Variants in GAREM2 observed in about 807,000 individuals in gnomAD.
GAREM2 encodes GRB2 associated regulator of MAPK1 subtype 2, also known as GRB2-associated and regulator of MAPK protein 2.
A neutral mutation model predicts 55.6 loss-of-function variants in GAREM2; 30 were observed. That is an observed-to-expected ratio of 0.54 (90% CI 0.40 to 0.73). The LOEUF (loss-of-function observed/expected upper bound fraction) is 0.73, where lower values mean the gene tolerates loss of function less well. Ranked by LOEUF, GAREM2 falls within the 30% of genes least tolerant of loss-of-function variation. The probability of loss-of-function intolerance (pLI) is 0.00; values close to 1 mark genes in which losing one functional copy is unlikely to be tolerated. For synonymous variants in GAREM2, 550 were observed against 569.1 expected, an observed-to-expected ratio of 0.97 and a Z score of 0.48; for missense variants, 1,075 against 1,257.7, an observed-to-expected ratio of 0.85 and a Z score of 2.20.
At chr2:26,191,181 C>G, downstream of GAREM2, 2 of 1,480,706 alleles carry the variant, frequency 1.4e-6, no homozygotes, top group Non-Finnish European at 1.9e-6. Context: ...CTAGACACCA[C>G]TCTGTTGGAG....
chr2:26,199,791 G>A, the GAREM2 span, among the ~76,000 whole-genome samples: 1 of 152,086 alleles, frequency 6.6e-6, no homozygotes, highest in Non-Finnish European at 1.5e-5. Context: ...TCTCTTGGAA[G>A]CCTGCAGCCA....
intron 4 of GAREM2, 49 bp downstream of exon 4, chr2:26,185,325 A>T (rs529587790): frequency 6.9e-7 from 1 of 1,455,946 alleles, no homozygotes; most frequent in African/African-American, 1.5e-5. Flanking sequence ...CAGGGCCCAA[A>T]GCCCGTTCTC....
the GAREM2 span, among the ~76,000 whole-genome samples, chr2:26,201,788 CT>C: frequency 0.031 from 4,479 of 144,912 alleles, 195 homozygotes; most frequent in African/African-American, 0.1. Flanking sequence ...TAGTTGTAAT[CT>C]TTTTTTTTTT....
the GAREM2 span, chr2:26,197,687 T>G: frequency 3.0e-6 from 4 of 1,326,456 alleles, no homozygotes; most frequent in South Asian, 4.7e-5. Flanking sequence ...TGTTCCGAGT[T>G]TACCTTCTCA....
intron 1 of GAREM2, 101 bp from the exon 2 acceptor site, chr2:26,176,243 A>AG: frequency 2.6e-6 from 3 of 1,174,862 alleles, no homozygotes; most frequent in African/African-American, 3.1e-5. Context: ...GCTGTCCCTC[A>AG]GGGGGGCGGT....
chr2:26,183,232 G>T (rs1228569745), intron 3 of GAREM2, 135 bp downstream of exon 3: 1 of 862,478 alleles, frequency 1.2e-6, no homozygotes, highest in Non-Finnish European at 1.8e-6. Context: ...GGGGTCTTTG[G>T]CACAATCAAG....
In GAREM2 at chr2:26,179,160, G is replaced by C. The variant is rs1668963219; in HGVS notation, c.253+2676G>C. Among the ~76,000 whole-genome samples, 1 of 152,142 alleles carries C rather than the reference G, an allele frequency of 6.6e-6. No homozygotes were observed. The highest frequency in any genetic ancestry group is 2.4e-5 in the African/African-American group (1 of 41,432). ...GCGGCGCTCTGCTCCGGGAGTCAGG[G>C]AGACCTGGCCTGGCCCCGTACTGTC... On this transcript the variant is annotated intron_variant, in intron 2 of 5. Coordinates refer to ENST00000401533, the MANE Select transcript of GAREM2 (RefSeq NM_001168241.2). This position sits in a 1 kb window ranked among gnomAD's most constrained non-coding sequence, Gnocchi z 4.7.
chr2:26,177,191 A>G (rs989110699), intron 2 of GAREM2, among the ~76,000 whole-genome samples: 12 of 152,134 alleles, frequency 7.9e-5, no homozygotes, highest in Non-Finnish European at 1.6e-4. Context: ...ACATCTAGGA[A>G]AGGAAGAGCC....
the GAREM2 span, chr2:26,204,028 T>C: frequency 6.2e-7 from 1 of 1,608,460 alleles, no homozygotes; most frequent in South Asian, 1.1e-5. Flanking sequence ...ACAAAGGACA[T>C]TCTAACTCTT....
the GAREM2 span, chr2:26,204,267 TAA>T: frequency 7.1e-7 from 1 of 1,416,210 alleles, no homozygotes; most frequent in East Asian, 2.3e-5. Context: ...GAAGATTGCC[TAA>T]GTTATTCAAT....
At chr2:26,191,757 GAGA>G, downstream of GAREM2, 1 of 912,542 alleles carries the variant, frequency 1.1e-6, no homozygotes, top group Non-Finnish European at 1.8e-6. Flanking sequence ...CTGGCCCTCA[GAGA>G]AGATGCTGCC....
At chr2:26,191,709 G>A (rs1669510835), downstream of GAREM2, 3 of 1,436,392 alleles carry the variant, frequency 2.1e-6, no homozygotes, top group South Asian at 1.1e-5. Context: ...AATGGAAGTC[G>A]GGATGGGTGC....
At chr2:26,182,871 G>T in intron 2 of GAREM2, 96 bp from the exon 3 acceptor site, 1 of 1,453,376 alleles carries the variant, frequency 6.9e-7, no homozygotes, top group South Asian at 1.3e-5. Context: ...GGCTGGCCGA[G>T]ATTATGGTAG....
Position 26,186,305 on chromosome 2 carries a change from G to A in GAREM2, c.1545G>A (p.Pro515=), listed in dbSNP as rs1421953315. 3 of 1,551,536 alleles carry A rather than the reference G, an allele frequency of 1.9e-6. No homozygotes were observed. Among genetic ancestry groups the A allele is most frequent in the Non-Finnish European group, 2.6e-6 (3 of 1,146,958 alleles). The change falls in exon 5 of 6, where the codon CCG becomes CCA. Residue 515 remains proline, a synonymous_variant. Transcript: ENST00000401533. The part of the protein sequence containing the change: ...PVPPRFPKLQ[P]VHSPSSSLSY... ...CCCCTCGCTTCCCCAAGCTGCAGCC[G>A]GTACATTCCCCCAGCTCCAGCCTCT...
At chr2:26,192,839 T>A (rs1669549636), downstream of GAREM2, among the ~76,000 whole-genome samples, 1 of 152,222 alleles carries the variant, frequency 6.6e-6, no homozygotes, top group South Asian at 2.1e-4. Flanking sequence ...AATTTGTATG[T>A]CTAGCTAACC....
Position 26,184,774 on chromosome 2 carries a change from G to T in GAREM2, c.926G>T (p.Gly309Val), listed in dbSNP as rs1669173358. 4 of 1,495,708 alleles carry T rather than the reference G, an allele frequency of 2.7e-6. No homozygotes were observed. Among genetic ancestry groups the T allele is most frequent in the Non-Finnish European group, 3.5e-6 (4 of 1,128,694 alleles). The allele number at this position is 1,495,708 out of a possible 1,614,324, so 92.7% of individuals were successfully genotyped here. ...VVLGLALRRE[G>V]PAPLHFLLLT... ...CTGGGGCTGGCGCTGCGCCGCGAGGGCCCGGCGCCGCTGCACTTCCTGCTG... is the reference window on the plus strand; with the variant it reads ...CTGGGGCTGGCGCTGCGCCGCGAGGTCCCGGCGCCGCTGCACTTCCTGCTG... The change falls in exon 4 of 6, where the codon GGC becomes GTC. Residue 309 changes from glycine (G) to valine (V), a missense_variant. Gly to Val is a moderately radical substitution (Grantham distance 109). This residue lies in a region of GAREM2 where 170 missense variants were observed against 220.7 expected (regional missense o/e 0.77). Transcript: ENST00000401533.
chr2:26,198,574 CAAG>C, the GAREM2 span, among the ~76,000 whole-genome samples: 1 of 150,976 alleles, frequency 6.6e-6, no homozygotes. Flanking sequence ...AGATGAGAAT[CAAG>C]GAGGAAGACA....
intron 2 of GAREM2, chr2:26,181,873 A>G: frequency 3.3e-6 from 1 of 302,696 alleles, no homozygotes; most frequent in Non-Finnish European, 4.9e-6. Flanking sequence ...CAGGTACTTG[A>G]GAGGCTGAGG....
intron 2 of GAREM2, chr2:26,180,845 T>C (rs910128419): frequency 6.7e-6 from 6 of 893,238 alleles, no homozygotes; most frequent in Non-Finnish European, 8.0e-6. Flanking sequence ...CTCAAACTGC[T>C]GACCTCAAGT....
Sources: gnomAD v4.1 joint callset for allele counts (sites outside exome capture counted in the v4.1 genomes callset) on GRCh38, gnomAD v4.1.1 for gene constraint, gnomAD v4.1.1 regional missense constraint, Gnocchi (gnomAD v3.1) non-coding constraint, MANE v1.5 for transcripts, NCBI Gene and HGNC (gene_info 2026-07-23, HGNC 2026-07-21) for gene names.